The following CNTNAP2 variants were observed in gnomAD, a reference collection of about 807,000 sequenced individuals.
CNTNAP2 encodes contactin-associated protein-like 2.
In CNTNAP2, 98 loss-of-function variants were observed where a neutral mutation model predicts 155.2. The ratio of observed to expected loss-of-function variants is 0.63; its 90% CI spans 0.54 to 0.75. The LOEUF (loss-of-function observed/expected upper bound fraction) is 0.75, where lower values mean the gene tolerates loss of function less well. Ranked by LOEUF, CNTNAP2 falls within the 30% of genes least tolerant of loss-of-function variation. The pLI, the probability that CNTNAP2 is intolerant of heterozygous loss-of-function variation, is 0.00. For missense variants in CNTNAP2, 1,727 were observed against 1,688.1 expected (o/e 1.02, Z -0.40); for synonymous variants, 651 against 631.2 (o/e 1.03, Z -0.47).
chr7:148,331,737 G>T (rs371009748), intron 21 of CNTNAP2, among the ~76,000 whole-genome samples: 55 of 42,516 alleles, frequency 1.3e-3, no homozygotes, highest in Non-Finnish European at 1.6e-3. Flanking sequence ...GATGGATGGA[G>T]TGGATGGATG....
Position 146,934,725 on chromosome 7 carries a change from T to C in CNTNAP2, c.402+94821T>C, listed in dbSNP as rs147067885. ...TTTTAAGCTCCCCAATGGCAGACAT[T>C]ATTTTCACTGAATCATGACCAAGTC... is the stretch of plus-strand genomic sequence containing the variant. On this transcript the variant is annotated intron_variant, in intron 3 of 23. Coordinates refer to ENST00000361727, the MANE Select transcript of CNTNAP2 (RefSeq NM_014141.6). 1.5e-3 allele frequency among the ~76,000 whole-genome samples: 231 copies of C among 152,312 alleles called. 2 individuals are homozygous for C. Among genetic ancestry groups the C allele is most frequent in the African/African-American group, 5.1e-3 (210 of 41,566 alleles).
At position 147,692,228 on chromosome 7, in the gene CNTNAP2, A is replaced by G. The variant is rs1041937246; in HGVS notation, c.2098+52922A>G. Among the ~76,000 whole-genome samples, 7 of 152,210 alleles carry G rather than the reference A, an allele frequency of 4.6e-5. No individual in the cohort carries two copies. The East Asian group carries it at 1.4e-3, about 29-fold the overall frequency. ...TAGCATTGAGTAATTTGTCATTGCA[A>G]TGTACCACAGTTTATTTATCCACTT... is the stretch of plus-strand genomic sequence containing the variant. On this transcript the variant is annotated intron_variant, in intron 13 of 23. Coordinates refer to ENST00000361727, the MANE Select transcript of CNTNAP2 (RefSeq NM_014141.6).
intron 1 of CNTNAP2, among the ~76,000 whole-genome samples, chr7:146,666,119 C>G (rs1407862628): frequency 1.3e-5 from 2 of 151,960 alleles, no homozygotes; most frequent in Non-Finnish European, 2.9e-5. Context: ...ATATTGTATC[C>G]TTTGATAAAT....
At chr7:148,095,024 A>G (rs1193698651) in intron 15 of CNTNAP2, among the ~76,000 whole-genome samples, 1 of 152,232 alleles carries the variant, frequency 6.6e-6, no homozygotes, top group African/African-American at 2.4e-5. Flanking sequence ...AGAGTAAAGT[A>G]GAAAGATGAT....
At chr7:147,262,232 A>G (rs1444993928) in intron 8 of CNTNAP2, among the ~76,000 whole-genome samples, 3 of 152,198 alleles carry the variant, frequency 2.0e-5, no homozygotes, top group African/African-American at 4.8e-5. Context: ...AAAACCTGCA[A>G]TGATTTTACT....
At chr7:147,614,367 A>G (rs1801243542) in intron 12 of CNTNAP2, among the ~76,000 whole-genome samples, 1 of 152,096 alleles carries the variant, frequency 6.6e-6, no homozygotes, top group African/African-American at 2.4e-5. Context: ...CTTTAATATT[A>G]TTCATTAAAG....
At chr7:147,482,084 T>G (rs1209174009) in intron 10 of CNTNAP2, among the ~76,000 whole-genome samples, 1 of 152,180 alleles carries the variant, frequency 6.6e-6, no homozygotes, top group South Asian at 2.1e-4. Context: ...TTACTGAGCA[T>G]GCACCTAGTT....
intron 3 of CNTNAP2, among the ~76,000 whole-genome samples, chr7:146,867,192 A>G (rs1795220834): frequency 1.3e-5 from 2 of 151,936 alleles, no homozygotes; most frequent in Admixed American, 6.6e-5. Context: ...CTCGAGAAGA[A>G]CCCAGTGTCT....
chr7:148,078,062 T>C (rs1803526905), intron 15 of CNTNAP2, among the ~76,000 whole-genome samples: 1 of 151,256 alleles, frequency 6.6e-6, no homozygotes, highest in Admixed American at 6.6e-5. Context: ...AAAAACATAA[T>C]CATTGTTTTG....
chr7:146,872,274 C>CA (rs1410082092), intron 3 of CNTNAP2, among the ~76,000 whole-genome samples: 4 of 150,002 alleles, frequency 2.7e-5, no homozygotes, highest in East Asian at 3.9e-4. Context: ...GACCACCCCC[C>CA]AAAAAACAAA....
intron 1 of CNTNAP2, among the ~76,000 whole-genome samples, chr7:146,655,413 CAAAAAAA>C (rs66710703): frequency 0.063 from 4,680 of 74,586 alleles, 82 homozygotes; most frequent in Middle Eastern, 0.18. Context: ...GACTCTGTCT[CAAAAAAA>C]AAAAAAAAAA....
intron 4 of CNTNAP2, among the ~76,000 whole-genome samples, chr7:147,045,990 A>G (rs887347482): frequency 7.9e-5 from 12 of 152,212 alleles, no homozygotes; most frequent in African/African-American, 2.7e-4. Flanking sequence ...TGGTAGCATT[A>G]CCACAGTAGA....
intron 13 of CNTNAP2, among the ~76,000 whole-genome samples, chr7:147,892,993 A>G (rs1196786164): frequency 6.6e-6 from 1 of 152,238 alleles, no homozygotes; most frequent in Non-Finnish European, 1.5e-5. Flanking sequence ...TGTTTACATT[A>G]GAACTTCAGA....
intron 22 of CNTNAP2, among the ~76,000 whole-genome samples, chr7:148,388,048 C>A (rs1429242710): frequency 2.6e-5 from 4 of 152,094 alleles, no homozygotes; most frequent in African/African-American, 7.2e-5. Flanking sequence ...AATGATCCAC[C>A]CCTTGTTTAG....
At chr7:147,888,414 G>C (rs1454403058) in intron 13 of CNTNAP2, among the ~76,000 whole-genome samples, 2 of 152,050 alleles carry the variant, frequency 1.3e-5, no homozygotes, top group Admixed American at 6.6e-5. Flanking sequence ...AATCTGCCCA[G>C]TGAGAGTTGT....
intron 10 of CNTNAP2, among the ~76,000 whole-genome samples, chr7:147,451,342 TG>T (rs1040444054): frequency 1.8e-4 from 28 of 152,212 alleles, no homozygotes; most frequent in African/African-American, 6.5e-4. Flanking sequence ...TTCTATTTTT[TG>T]GATACCACTA....
intron 9 of CNTNAP2, among the ~76,000 whole-genome samples, chr7:147,393,589 A>G (rs1796759844): frequency 6.6e-6 from 1 of 152,020 alleles, no homozygotes; most frequent in African/African-American, 2.4e-5. Context: ...CACTCTATTC[A>G]ATTTTATCTT....
rs186316209 is a variant in CNTNAP2, at chr7:147,534,240, A to G, written c.1778-27898A>G. ...GGCCAGTAACGCTGGTGAACATCCTACAAAGCACTGCAGAGCCCCTGGCAA... is the reference window on the plus strand; with the variant it reads ...GGCCAGTAACGCTGGTGAACATCCTGCAAAGCACTGCAGAGCCCCTGGCAA... On this transcript the variant is annotated intron_variant, in intron 11 of 23. Coordinates refer to ENST00000361727, the MANE Select transcript of CNTNAP2 (RefSeq NM_014141.6). 5.8e-4 allele frequency among the ~76,000 whole-genome samples: 89 copies of G among 152,320 alleles called. 1 individual carries two copies. The Middle Eastern group carries it at 0.017, about 29-fold the overall frequency.
Position 147,330,289 on chromosome 7 carries a change from G to A in CNTNAP2, c.1498+29999G>A, listed in dbSNP as rs112136222. ...CATCCCCAGAGAAGGTATAGAAACT[G>A]TGTGCAACTACTCCCCCGGTGCCTC... On this transcript the variant is annotated intron_variant, in intron 9 of 23. Coordinates refer to ENST00000361727, the MANE Select transcript of CNTNAP2 (RefSeq NM_014141.6). 1.7e-3 allele frequency among the ~76,000 whole-genome samples: 252 copies of A among 152,250 alleles called. 1 individual carries two copies. Among genetic ancestry groups the A allele is most frequent in the African/African-American group, 5.8e-3 (240 of 41,552 alleles).
Sources: allele counts gnomAD v4.1 joint callset (sites outside exome capture counted in the v4.1 genomes callset), GRCh38; gene constraint gnomAD v4.1.1; transcripts MANE v1.5; gene names NCBI Gene and HGNC (gene_info 2026-07-23, HGNC 2026-07-21).